Variants in PCDHA8 observed in about 807,000 individuals in gnomAD.
PCDHA8 encodes the protein protocadherin alpha 8, also known as protocadherin alpha-8.
In PCDHA8, 53 loss-of-function variants were observed where a neutral mutation model predicts 61.8. The ratio of observed to expected loss-of-function variants is 0.86; its 90% CI spans 0.69 to 1.08. The LOEUF (loss-of-function observed/expected upper bound fraction) is 1.08. Ranked by LOEUF, PCDHA8 falls within the 50% of genes least tolerant of loss-of-function variation. The pLI is 0.00. For synonymous variants in PCDHA8, 618 were observed against 556.6 expected (o/e 1.11, Z -1.55); for missense variants, 1,293 against 1,245.0 (o/e 1.04, Z -0.58).
At chr5:140,863,774 G>A (rs1581698877) in intron 1 of PCDHA8, 2 of 239,304 alleles carry the variant, frequency 8.4e-6, no homozygotes, top group African/African-American at 2.2e-5. Context: ...CGAGGCGGGC[G>A]GATCACTCGA....
chr5:140,987,207 C>A (rs1475441121), intron 3 of PCDHA8, among the ~76,000 whole-genome samples: 1 of 148,672 alleles, frequency 6.7e-6, no homozygotes, highest in African/African-American at 2.5e-5. Context: ...GAGTGAGACT[C>A]CATCTCAAAA....
rs1459360410 is a variant in PCDHA8 at position 140,851,559 on chromosome 5, A to C, written c.2394+7844A>C. 4 of 909,446 alleles carry C rather than the reference A, an allele frequency of 4.4e-6. 1 individual carries two copies. In the East Asian group the frequency reaches 3.5e-4, roughly 79 times the overall value. The allele number at this position is 909,446 out of a possible 1,614,324, so 56.3% of individuals were successfully genotyped here. A position where few individuals can be genotyped will look rare whatever the true frequency, so the allele number is the denominator to read the frequency against. ...AGATAATTCAAGAAATGTTGACTGA[A>C]ATTTTGTCTACACTTAGAACATTTT... is the stretch of plus-strand genomic sequence containing the variant. On this transcript the variant is annotated intron_variant, in intron 1 of 3. Transcript: ENST00000531613.
At chr5:140,947,622 G>C (rs1435558526) in intron 1 of PCDHA8, among the ~76,000 whole-genome samples, 1 of 151,534 alleles carries the variant, frequency 6.6e-6, no homozygotes, top group East Asian at 1.9e-4. Context: ...TAACAATATT[G>C]AGTCATCAGA....
chr5:140,968,208 AC>A, intron 1 of PCDHA8: 1 of 1,614,022 alleles, frequency 6.2e-7, no homozygotes, highest in Non-Finnish European at 8.5e-7. Context: ...ATACAGGAGA[AC>A]AATTTGCCAG....
intron 1 of PCDHA8, among the ~76,000 whole-genome samples, chr5:140,939,804 G>A (rs2092463605): frequency 6.6e-6 from 1 of 152,140 alleles, no homozygotes; most frequent in Non-Finnish European, 1.5e-5. Flanking sequence ...TGTTCTGCAT[G>A]TTCAAGAAAA....
chr5:140,883,861 G>A (rs1554180326), intron 1 of PCDHA8: 2 of 1,613,126 alleles, frequency 1.2e-6, no homozygotes, highest in South Asian at 1.1e-5. Flanking sequence ...TGGAGCTGTT[G>A]CAGTTCCAGG....
intron 3 of PCDHA8, among the ~76,000 whole-genome samples, chr5:140,995,133 T>C (rs1397108502): frequency 6.6e-6 from 1 of 152,230 alleles, no homozygotes; most frequent in Non-Finnish European, 1.5e-5. Flanking sequence ...TGAAACCTCA[T>C]TTAGTACTGA....
chr5:140,908,596 T>C (rs1311064984), intron 1 of PCDHA8, among the ~76,000 whole-genome samples: 1 of 152,120 alleles, frequency 6.6e-6, no homozygotes, highest in African/African-American at 2.4e-5. Flanking sequence ...CTGCAGAAGA[T>C]GGAAGGGCCT....
intron 1 of PCDHA8, among the ~76,000 whole-genome samples, chr5:140,970,659 T>C (rs1243959173): frequency 4.6e-5 from 7 of 152,238 alleles, no homozygotes; most frequent in Non-Finnish European, 2.9e-5. Context: ...AATTGTTATC[T>C]TTCCAAATAA....
At chr5:140,967,141 G>T in intron 1 of PCDHA8, 2 of 1,611,258 alleles carry the variant, frequency 1.2e-6, no homozygotes, top group South Asian at 1.1e-5. Flanking sequence ...AAGTGCTGGC[G>T]CACAACCCCG....
At chr5:140,897,028 A>G (rs2065844542) in intron 1 of PCDHA8, among the ~76,000 whole-genome samples, 2 of 152,046 alleles carry the variant, frequency 1.3e-5, no homozygotes, top group Admixed American at 6.6e-5. Context: ...AATTATTTAG[A>G]CCATAGTCAC....
chr5:140,951,773 A>T (rs1554220071), intron 1 of PCDHA8, among the ~76,000 whole-genome samples: 1 of 152,198 alleles, frequency 6.6e-6, no homozygotes, highest in East Asian at 1.9e-4. Context: ...TGACGTTCTT[A>T]CATTGCAAAA....
At chr5:140,867,426 AT>A (rs1462800556) in intron 1 of PCDHA8, 4 of 152,150 alleles carry the variant, frequency 2.6e-5, no homozygotes, top group African/African-American at 9.7e-5. Flanking sequence ...TTAATACAGA[AT>A]TTTGCATTTA....
At chr5:140,869,922 C>T in intron 1 of PCDHA8, 1 of 1,611,202 alleles carries the variant, frequency 6.2e-7, no homozygotes, top group Non-Finnish European at 8.5e-7. Flanking sequence ...ACGAAGGAGT[C>T]AATGGAGAGG....
At chr5:140,966,703 G>T in intron 1 of PCDHA8, 1 of 1,376,398 alleles carries the variant, frequency 7.3e-7, no homozygotes, top group South Asian at 1.7e-5. Flanking sequence ...CCCGGGCGTG[G>T]GGCACGGCTG....
chr5:140,856,905 C>T, intron 1 of PCDHA8: 1 of 1,595,990 alleles, frequency 6.3e-7, no homozygotes. Context: ...TTGGTCCCAC[C>T]CACGATAAGA....
chr5:140,875,771 C>T lies in PCDHA8; in HGVS notation c.2394+32056C>T, dbSNP rs182160950. 7,595 of 1,614,196 alleles carry T rather than the reference C, an allele frequency of 4.7e-3. 28 individuals carry two copies. Among genetic ancestry groups the T allele is most frequent in the Middle Eastern group, 6.4e-3 (39 of 6,062 alleles). ...CGCGAGAAGCTGTGCGGGCGGAGCG[C>T]GGAGTGCAGTATCCACCTGGAGGTG... On this transcript the variant is annotated intron_variant, in intron 1 of 3. Transcript: ENST00000531613.
intron 1 of PCDHA8, chr5:140,968,830 C>G: frequency 6.2e-7 from 1 of 1,614,198 alleles, no homozygotes; most frequent in Non-Finnish European, 8.5e-7. Context: ...CCAAAATCCT[C>G]CCTGACACTC....
chr5:140,962,023 A>G (rs565113928), intron 1 of PCDHA8, among the ~76,000 whole-genome samples: 3 of 152,062 alleles, frequency 2.0e-5, no homozygotes, highest in African/African-American at 7.2e-5. Flanking sequence ...AGCTGGGACT[A>G]CAGGCACCCA....
Sources: gnomAD v4.1 joint callset for allele counts (sites outside exome capture counted in the v4.1 genomes callset) on GRCh38, gnomAD v4.1.1 for gene constraint, MANE v1.5 for transcripts, NCBI Gene and HGNC (gene_info 2026-07-23, HGNC 2026-07-21) for gene names.